The following PXK variants were observed in gnomAD, a reference collection of about 807,000 sequenced individuals.
The protein encoded by PXK is PX domain-containing protein kinase-like protein.
A neutral mutation model predicts 84.7 loss-of-function variants in PXK; 35 were observed. The ratio of observed to expected loss-of-function variants is 0.41; its 90% CI spans 0.32 to 0.55. The LOEUF is 0.55. PXK is among the 20% of genes least tolerant of loss of function. The probability of loss-of-function intolerance (pLI) is 0.21; values close to 1 mark genes in which losing one functional copy is unlikely to be tolerated. For missense variants in PXK, 634 were observed against 699.7 expected, an observed-to-expected ratio of 0.91 and a Z score of 1.06; for synonymous variants, 253 against 260.8, an observed-to-expected ratio of 0.97 and a Z score of 0.29.
Position 58,409,949 on chromosome 3 carries a change from A to C in PXK, c.1396-141A>C. The C allele has an allele frequency of 1.6e-6, 1 of 629,268 alleles. No homozygotes were observed. The highest frequency in any genetic ancestry group is 2.0e-5 in the South Asian group (1 of 49,812). The allele number at this position is 629,268 out of a possible 1,614,324, so 39.0% of individuals were successfully genotyped here. ...TTGGCTGTGACTTCTTCACTGTGTT[A>C]AGTTATGGGGCTGAATATTACCTTG... On this transcript the variant is annotated intron_variant, in intron 15 of 17. Coordinates refer to ENST00000356151, the MANE Select transcript of PXK (RefSeq NM_017771.5). The surrounding 1 kb of genome is among the most constrained non-coding windows in gnomAD (Gnocchi z 4.2).
chr3:58,396,527 C>A (rs11917567), intron 9 of PXK, among the ~76,000 whole-genome samples: 2 of 151,988 alleles, frequency 1.3e-5, no homozygotes, highest in Admixed American at 1.3e-4. Context: ...TATATGGCAG[C>A]GGAAATATTT....
chr3:58,397,155 GCCTT>G lies in PXK; in HGVS notation c.945_948del (p.Phe316ThrfsTer29). 6.2e-7 allele frequency: 1 copy of G among 1,614,156 alleles called. No homozygotes were observed. Among genetic ancestry groups the G allele is most frequent in the Non-Finnish European group, 8.5e-7 (1 of 1,180,020 alleles). On this transcript the variant is annotated frameshift_variant, in exon 10 of 18. Coordinates refer to ENST00000356151, the MANE Select transcript of PXK (RefSeq NM_017771.5). LOFTEE classifies it high-confidence loss of function. This position sits in a 1 kb window ranked among gnomAD's most constrained non-coding sequence, Gnocchi z 4.7. Reference sequence around the variant, plus strand: ...ACCTTGAGAATTCCTTATTGGGCCTGCCTTCCTTCTACCGATCTTATTTTTCACA... The same window carrying G: ...ACCTTGAGAATTCCTTATTGGGCCTGCCTTCTACCGATCTTATTTTTCACA...
chr3:58,423,276 G>A, intron 17 of PXK: 1 of 973,136 alleles, frequency 1.0e-6, no homozygotes, highest in Middle Eastern at 5.3e-4. Flanking sequence ...ATAAAGCCAG[G>A]AACATTTTCC....
chr3:58,393,930 AT>A (rs1560049675), intron 7 of PXK, among the ~76,000 whole-genome samples: 1 of 152,090 alleles, frequency 6.6e-6, no homozygotes, highest in African/African-American at 2.4e-5. Context: ...TATTCTACCC[AT>A]TGTGTTTCTT....
At chr3:58,374,295 C>T (rs1001131312) in intron 3 of PXK, among the ~76,000 whole-genome samples, 101 of 151,836 alleles carry the variant, frequency 6.7e-4, no homozygotes, top group Non-Finnish European at 9.6e-4. Context: ...CTCAGCCTCC[C>T]AAGTTGCTGG....
At chr3:58,337,478 CT>C (rs879280401) in intron 1 of PXK, among the ~76,000 whole-genome samples, 5 of 149,818 alleles carry the variant, frequency 3.3e-5, no homozygotes, top group African/African-American at 7.4e-5. Context: ...ATTCCAAGGT[CT>C]TTTTTTTTTC....
chr3:58,395,659 C>G lies in PXK; in HGVS notation c.722C>G (p.Ala241Gly). 1.2e-6 allele frequency: 2 copies of G among 1,610,526 alleles called. No individual in the cohort carries two copies. Among genetic ancestry groups the G allele is most frequent in the African/African-American group, 1.3e-5 (1 of 74,824 alleles). The change falls in exon 9 of 18, where the codon GCA becomes GGA. Residue 241 changes from alanine to glycine, a missense_variant and splice_region_variant. Ala to Gly is a moderately conservative substitution (Grantham distance 60, BLOSUM62 0). This residue lies in a region of PXK where 353 missense variants were observed against 385.2 expected (regional missense o/e 0.92). Transcript: ENST00000356151. ...CGTGTTCTTTGTTCTTTTCCAAAGG[C>G]AAAACCAAAAGACCCATTTCTAAAG... ...KGTLKDLIYK[A>G]KPKDPFLKKY...
At chr3:58,363,733 C>T (rs567005532) in intron 1 of PXK, among the ~76,000 whole-genome samples, 4 of 152,100 alleles carry the variant, frequency 2.6e-5, no homozygotes, top group South Asian at 4.2e-4. Flanking sequence ...ATCTATATGC[C>T]GTTTATTTCT....
intron 1 of PXK, among the ~76,000 whole-genome samples, chr3:58,338,663 A>G (rs1205948501): frequency 2.6e-5 from 4 of 151,366 alleles, no homozygotes; most frequent in African/African-American, 9.7e-5. Context: ...ATACTGTGTG[A>G]TAGGTAACTT....
At position 58,422,856 on chromosome 3, in the gene PXK, C is replaced by T. The variant is rs538036838; in HGVS notation, c.1529-1896C>T. The T allele has an allele frequency of 3.9e-5, 38 of 985,438 alleles. No individual in the cohort carries two copies. The East Asian group carries it at 2.2e-3, about 56-fold the overall frequency. The allele number at this position is 985,438 out of a possible 1,614,324, so 61.0% of individuals were successfully genotyped here. On this transcript the variant is annotated intron_variant, in intron 17 of 17. Coordinates refer to ENST00000356151, the MANE Select transcript of PXK (RefSeq NM_017771.5). ...TAGAACTCCCAAGTACCGCCGCAGC[C>T]GAGAGCCTGTCCTTAACTGCACAGT...
chr3:58,338,730 G>T (rs1016256787), intron 1 of PXK, among the ~76,000 whole-genome samples: 29 of 150,158 alleles, frequency 1.9e-4, no homozygotes, highest in Non-Finnish European at 4.0e-4. Flanking sequence ...CTGTCCCCCA[G>T]GTGGGAGTGC....
chr3:58,419,400 C>A (rs2061480993), intron 17 of PXK, among the ~76,000 whole-genome samples: 1 of 152,204 alleles, frequency 6.6e-6, no homozygotes, highest in South Asian at 2.1e-4. Flanking sequence ...TACAGGCGCC[C>A]ACCACCATGC....
intron 1 of PXK, among the ~76,000 whole-genome samples, chr3:58,338,349 G>C (rs1030383443): frequency 1.3e-5 from 2 of 151,574 alleles, no homozygotes; most frequent in East Asian, 3.9e-4. Context: ...TAGGCCAGGC[G>C]CGGTGGCTCA....
intron 4 of PXK, among the ~76,000 whole-genome samples, chr3:58,389,867 C>T (rs181798290): frequency 2.0e-5 from 3 of 151,620 alleles, no homozygotes; most frequent in Admixed American, 6.6e-5. Context: ...GGCATGGTGG[C>T]GCATGCCTGT....
chr3:58,335,967 G>A (rs1033200270), intron 1 of PXK, among the ~76,000 whole-genome samples: 1 of 146,464 alleles, frequency 6.8e-6, no homozygotes, highest in African/African-American at 2.5e-5. Flanking sequence ...ACATTAGAGG[G>A]CGTTATTGCA....
intron 3 of PXK, among the ~76,000 whole-genome samples, chr3:58,373,777 G>C (rs2098409891): frequency 6.6e-6 from 1 of 152,118 alleles, no homozygotes; most frequent in Non-Finnish European, 1.5e-5. Flanking sequence ...CTGACGTGGT[G>C]GCTCACGCCT....
intron 1 of PXK, among the ~76,000 whole-genome samples, chr3:58,345,585 G>A (rs896273697): frequency 2.6e-5 from 4 of 152,030 alleles, no homozygotes; most frequent in East Asian, 1.9e-4. Flanking sequence ...TTTAGTCAGC[G>A]GTTTATTATG....
intron 17 of PXK, among the ~76,000 whole-genome samples, chr3:58,419,896 C>T (rs184633743): frequency 4.2e-5 from 6 of 142,348 alleles, no homozygotes; most frequent in South Asian, 2.2e-4. Context: ...CTTTTTAAAA[C>T]GGCTTTATGG....
intron 13 of PXK, among the ~76,000 whole-genome samples, chr3:58,404,551 A>G (rs2059103240): frequency 6.6e-6 from 1 of 152,228 alleles, no homozygotes; most frequent in African/African-American, 2.4e-5. Context: ...GTTGAGAGCT[A>G]CTGACCTATG....
Sources: gnomAD v4.1 joint callset for allele counts (sites outside exome capture counted in the v4.1 genomes callset) on GRCh38, gnomAD v4.1.1 for gene constraint, gnomAD v4.1.1 regional missense constraint, Gnocchi (gnomAD v3.1) non-coding constraint, MANE v1.5 for transcripts, NCBI Gene and HGNC (gene_info 2026-07-23, HGNC 2026-07-21) for gene names.